The following ARHGAP15 variants were observed in gnomAD, a reference collection of about 807,000 sequenced individuals.
The protein encoded by ARHGAP15 is Rho GTPase activating protein 15.
ARHGAP15 carries 51 observed loss-of-function variants against 63.7 expected under a neutral mutation model. That is an observed-to-expected ratio of 0.80 (90% confidence interval 0.64 to 1.01). ARHGAP15 has a LOEUF of 1.01. ARHGAP15 is among the 50% of genes least tolerant of loss of function. The pLI is 0.00. For synonymous variants in ARHGAP15, 191 were observed against 193.8 expected (o/e 0.99, Z 0.12); for missense variants, 560 against 564.6 (o/e 0.99, Z 0.08).
At chr2:143,662,248 G>A (rs1219594033) in intron 12 of ARHGAP15, among the ~76,000 whole-genome samples, 1 of 151,638 alleles carries the variant, frequency 6.6e-6, no homozygotes, top group Non-Finnish European at 1.5e-5. Context: ...CCTCAAGTGG[G>A]TCCCTGACCC....
chr2:143,480,042 T>C (rs1019338144), intron 8 of ARHGAP15, among the ~76,000 whole-genome samples: 2 of 152,160 alleles, frequency 1.3e-5, no homozygotes, highest in African/African-American at 2.4e-5. Flanking sequence ...CCCAAAGCTA[T>C]GCTAAGTGCT....
intron 2 of ARHGAP15, among the ~76,000 whole-genome samples, chr2:143,186,781 T>C (rs1452734913): frequency 6.6e-6 from 1 of 152,234 alleles, no homozygotes; most frequent in Non-Finnish European, 1.5e-5. Context: ...CTGAGAGTAC[T>C]AATGAGCAAA....
intron 11 of ARHGAP15, among the ~76,000 whole-genome samples, chr2:143,558,488 C>T (rs1444481838): frequency 1.3e-5 from 2 of 152,100 alleles, no homozygotes; most frequent in Non-Finnish European, 2.9e-5. Flanking sequence ...GATTTAATGC[C>T]AACTTTTGGA....
At position 143,445,404 on chromosome 2, in the gene ARHGAP15, G is replaced by C. The variant is rs188556519; in HGVS notation, c.703+8362G>C. On this transcript the variant is annotated intron_variant, in intron 8 of 13. Transcript: ENST00000295095. ...TATCGACCTCCTGACCTCACGATCT[G>C]CCCACCTTGGCCTCCCAAAGTGCTA... Among the ~76,000 whole-genome samples, 12 of 151,978 alleles carry C rather than the reference G, an allele frequency of 7.9e-5. No individual in the cohort carries two copies. The East Asian group carries it at 2.3e-3, about 29-fold the overall frequency.
chr2:143,722,191 TCACA>T (rs139484994), intron 13 of ARHGAP15, among the ~76,000 whole-genome samples: 27 of 149,476 alleles, frequency 1.8e-4, no homozygotes, highest in African/African-American at 6.6e-4. Context: ...ACACACACAC[TCACA>T]CACACACACA....
At chr2:143,603,813 T>C (rs953754162) in intron 11 of ARHGAP15, among the ~76,000 whole-genome samples, 1 of 152,212 alleles carries the variant, frequency 6.6e-6, no homozygotes, top group African/African-American at 2.4e-5. Flanking sequence ...GGAAAAGTAG[T>C]TATCCATATT....
intron 8 of ARHGAP15, among the ~76,000 whole-genome samples, chr2:143,485,347 A>G (rs896101719): frequency 2.6e-5 from 4 of 152,158 alleles, no homozygotes; most frequent in Non-Finnish European, 5.9e-5. Context: ...CATGATAGTC[A>G]CTGTACTTTT....
At chr2:143,278,769 C>T (rs1045085063) in intron 6 of ARHGAP15, among the ~76,000 whole-genome samples, 1 of 151,912 alleles carries the variant, frequency 6.6e-6, no homozygotes, top group Non-Finnish European at 1.5e-5. Flanking sequence ...TAACTTCTGG[C>T]CTCTTGAGCC....
At chr2:143,371,280 G>A (rs749086941) in intron 6 of ARHGAP15, among the ~76,000 whole-genome samples, 3 of 152,154 alleles carry the variant, frequency 2.0e-5, no homozygotes, top group Non-Finnish European at 2.9e-5. Flanking sequence ...TTTAAGCCCT[G>A]CATGCATTAG....
intron 12 of ARHGAP15, among the ~76,000 whole-genome samples, chr2:143,646,107 T>C (rs900668064): frequency 6.6e-6 from 1 of 151,972 alleles, no homozygotes; most frequent in Non-Finnish European, 1.5e-5. Flanking sequence ...ACTCAGGAAA[T>C]TCACAGTCCA....
intron 6 of ARHGAP15, among the ~76,000 whole-genome samples, chr2:143,386,537 T>G (rs1474120947): frequency 6.6e-6 from 1 of 152,076 alleles, no homozygotes; most frequent in Non-Finnish European, 1.5e-5. Flanking sequence ...AAAGCAAAAT[T>G]CAAAAATATT....
chr2:143,589,919 C>A (rs1697257142), intron 11 of ARHGAP15, among the ~76,000 whole-genome samples: 1 of 152,166 alleles, frequency 6.6e-6, no homozygotes, highest in Non-Finnish European at 1.5e-5. Context: ...TGTAACTTAA[C>A]AACTCAGCAA....
chr2:143,543,418 G>C (rs1336995976), intron 10 of ARHGAP15, among the ~76,000 whole-genome samples: 1 of 151,862 alleles, frequency 6.6e-6, no homozygotes, highest in Non-Finnish European at 1.5e-5. Context: ...GTTTGGTATT[G>C]AGTTGTTTGA....
At chr2:143,514,219 A>C (rs1270851692) in intron 9 of ARHGAP15, among the ~76,000 whole-genome samples, 1 of 152,212 alleles carries the variant, frequency 6.6e-6, no homozygotes, top group Non-Finnish European at 1.5e-5. Context: ...TATAACCTGC[A>C]TGAAATAGTT....
At chr2:143,203,910 A>T (rs1487336786) in intron 3 of ARHGAP15, among the ~76,000 whole-genome samples, 2 of 152,096 alleles carry the variant, frequency 1.3e-5, no homozygotes, top group Non-Finnish European at 2.9e-5. Flanking sequence ...GCATTTTTAC[A>T]CACAGTTCTA....
Position 143,231,161 on chromosome 2 carries a change from A to G in ARHGAP15, c.384+2493A>G, listed in dbSNP as rs139419946. Reference sequence around the variant, plus strand: ...CCTTACCTGTGAAATGGGCATAGTGATACCTGCCAACAGAATTAGTAAGGA... The same window carrying G: ...CCTTACCTGTGAAATGGGCATAGTGGTACCTGCCAACAGAATTAGTAAGGA... On this transcript the variant is annotated intron_variant, in intron 5 of 13. Coordinates refer to ENST00000295095, the MANE Select transcript of ARHGAP15 (RefSeq NM_018460.4). Among the ~76,000 whole-genome samples the G allele has an allele frequency of 1.5e-4, 23 of 150,306 alleles. No homozygotes were observed. The East Asian group carries it at 3.3e-3, about 22-fold the overall frequency.
intron 6 of ARHGAP15, among the ~76,000 whole-genome samples, chr2:143,361,254 G>C (rs983461211): frequency 2.0e-5 from 3 of 152,172 alleles, no homozygotes; most frequent in Non-Finnish European, 4.4e-5. Context: ...ATCTCCAGTT[G>C]AATCTTCAGC....
Position 143,587,015 on chromosome 2 carries a change from C to T in ARHGAP15, c.1003+30530C>T, listed in dbSNP as rs1007505168. Among the ~76,000 whole-genome samples, 5 of 152,024 alleles carry T rather than the reference C, an allele frequency of 3.3e-5. 1 individual carries two copies. In the South Asian group the frequency reaches 1.0e-3, roughly 32 times the overall value. ...TCCTCTTCCTCCTTCATGCAACTTCCTCTTTGGCACTGTTCCTATGTGATG... is the reference window on the plus strand; with the variant it reads ...TCCTCTTCCTCCTTCATGCAACTTCTTCTTTGGCACTGTTCCTATGTGATG... On this transcript the variant is annotated intron_variant, in intron 11 of 13. Transcript: ENST00000295095.
chr2:143,648,094 G>A (rs1189469816), intron 12 of ARHGAP15, among the ~76,000 whole-genome samples: 1 of 151,930 alleles, frequency 6.6e-6, no homozygotes, highest in East Asian at 1.9e-4. Flanking sequence ...TCTTAACCCT[G>A]GGCAAGGTTG....
Sources: allele counts gnomAD v4.1 joint callset (sites outside exome capture counted in the v4.1 genomes callset), GRCh38; gene constraint gnomAD v4.1.1; transcripts MANE v1.5; gene names NCBI Gene and HGNC (gene_info 2026-07-23, HGNC 2026-07-21).